The following GANC variants were observed in gnomAD, a reference collection of about 807,000 sequenced individuals.
GANC encodes glucosidase alpha, neutral C.
A neutral mutation model predicts 124.2 loss-of-function variants in GANC; 117 were observed. That is an observed-to-expected ratio of 0.94 (90% CI 0.81 to 1.10). The LOEUF (loss-of-function observed/expected upper bound fraction) is 1.10, where lower values mean the gene tolerates loss of function less well. GANC is among the 50% of genes least tolerant of loss of function. The probability of loss-of-function intolerance (pLI) is 0.00; values close to 1 mark genes in which losing one functional copy is unlikely to be tolerated. For missense variants in GANC, 1,140 were observed against 1,095.0 expected (o/e 1.04, Z -0.58); for synonymous variants, 377 against 376.8 (o/e 1.00, Z -0.01).
intron 3 of GANC, among the ~76,000 whole-genome samples, chr15:42,287,460 T>G (rs2051800906): frequency 6.6e-6 from 1 of 152,238 alleles, no homozygotes; most frequent in South Asian, 2.1e-4. Flanking sequence ...TTGACAATTT[T>G]ATGTTCACCT....
At chr15:42,301,877 A>T (rs2051948940) in intron 6 of GANC, among the ~76,000 whole-genome samples, 1 of 152,158 alleles carries the variant, frequency 6.6e-6, no homozygotes, top group South Asian at 2.1e-4. Context: ...TAAAACTCCC[A>T]TCTCCCTGGG....
rs1300897085 is a variant in GANC, at chr15:42,329,324, T to C, written c.1519T>C (p.Phe507Leu). The C allele has an allele frequency of 1.2e-6, 2 of 1,613,814 alleles. No individual in the cohort carries two copies. Among genetic ancestry groups the C allele is most frequent in the South Asian group, 1.1e-5 (1 of 91,034 alleles). ...PVYQGSTDILFLWNDMNEPSV... is the reference protein window; with the variant it reads ...PVYQGSTDILLLWNDMNEPSV... ...TTCCTAGGGATCTACGGACATCCTC[T>C]TCCTTTGGAATGACATGAATGAGCC... The change falls in exon 14 of 24, where the codon TTC (phenylalanine) becomes CTC (leucine). Residue 507 changes from phenylalanine (F) to leucine (L), a missense_variant. Transcript: ENST00000318010.
intron 4 of GANC, 40 bp from the exon 5 acceptor site, chr15:42,292,695 C>T (rs2141026941): frequency 6.3e-7 from 1 of 1,594,644 alleles, no homozygotes. Context: ...CCATGTAAAC[C>T]TATAGCAGCT....
At chr15:42,351,468 T>G (rs1259910888) in intron 23 of GANC, 36 bp downstream of exon 23, 1 of 1,442,498 alleles carries the variant, frequency 6.9e-7, no homozygotes, top group Non-Finnish European at 9.8e-7. Context: ...CACCATTTGT[T>G]TTTATAAACA....
intron 3 of GANC, among the ~76,000 whole-genome samples, chr15:42,282,409 A>G (rs1290651624): frequency 6.6e-6 from 1 of 152,220 alleles, no homozygotes; most frequent in Non-Finnish European, 1.5e-5. Flanking sequence ...GCACATTAAG[A>G]TATGGTATGA....
chr15:42,326,375 C>A lies in GANC; in HGVS notation c.1371C>A (p.Phe457Leu), dbSNP rs1342495118. The A allele has an allele frequency of 9.3e-6, 15 of 1,613,964 alleles. No homozygotes were observed. Among genetic ancestry groups the A allele is most frequent in the African/African-American group, 1.3e-5 (1 of 74,894 alleles). ...SVYVKAKDQG[F>L]FVKNQEGEDF... ...ATGTGAAGGCCAAAGATCAGGGCTTCTTTGTGAAGAATCAGGAAGGGGAAG... is the reference window on the plus strand; with the variant it reads ...ATGTGAAGGCCAAAGATCAGGGCTTATTTGTGAAGAATCAGGAAGGGGAAG... The change falls in exon 12 of 24, where the codon TTC (phenylalanine) becomes TTA (leucine). Residue 457 changes from phenylalanine (F) to leucine (L), a missense_variant. By Grantham distance (22) the Phe-to-Leu change is conservative. Coordinates refer to ENST00000318010, the MANE Select transcript of GANC (RefSeq NM_198141.3).
At position 42,274,341 on chromosome 15, in the gene GANC, T is replaced by A; in HGVS notation, c.-141T>A. 3 of 802,266 alleles carry A rather than the reference T, an allele frequency of 3.7e-6. No individual in the cohort carries two copies. The South Asian group carries it at 4.8e-5, about 13-fold the overall frequency. The allele number at this position is 802,266 out of a possible 1,614,324, so 49.7% of individuals were successfully genotyped here. On this transcript the variant is annotated 5_prime_UTR_variant, in exon 1 of 24. Coordinates refer to ENST00000318010, the MANE Select transcript of GANC (RefSeq NM_198141.3). The stretch of plus-strand genomic sequence containing the variant: ...GTCAAGATTTGTCACTCCATGAGAA[T>A]CTGGAGGGGACTCCCTTCCCAGAAA...
chr15:42,292,529 G>A (rs1032957048), intron 4 of GANC, among the ~76,000 whole-genome samples: 2 of 152,138 alleles, frequency 1.3e-5, no homozygotes, highest in African/African-American at 2.4e-5. Context: ...TTTGTTATCC[G>A]AAGTTATAAC....
At chr15:42,291,111 G>A (rs756139889) in intron 4 of GANC, among the ~76,000 whole-genome samples, 7 of 152,006 alleles carry the variant, frequency 4.6e-5, no homozygotes, top group South Asian at 2.1e-4. Context: ...AGTCAAACCC[G>A]GGGGAGAAGG....
rs1169085786 is a variant in GANC at position 42,330,662 on chromosome 15, A to G, written c.1731A>G (p.Ser577=). 1 of 1,607,118 alleles carries G rather than the reference A, an allele frequency of 6.2e-7. No homozygotes were observed. ...FVLTRSFFAG[S]QKYGAVWTGD... ...TTACACGTTCTTTCTTTGCTGGATC[A>G]CAAAAGTATGGTAAGGAATGGCTCA... Residue 577 remains serine, a synonymous_variant, in exon 15 of 24, where the codon TCA becomes TCG. Transcript: ENST00000318010.
chr15:42,285,515 T>G (rs1219143513), intron 3 of GANC, among the ~76,000 whole-genome samples: 1 of 152,066 alleles, frequency 6.6e-6, no homozygotes, highest in Non-Finnish European at 1.5e-5. Context: ...TAATAAGAGA[T>G]AAGGCACAGT....
chr15:42,350,022 CTTTTTTTTT>C (rs753077889), intron 22 of GANC, among the ~76,000 whole-genome samples: 1,803 of 75,116 alleles, frequency 0.024, 61 homozygotes, highest in African/African-American at 0.086. Flanking sequence ...CTTTCCCCCA[CTTTTTTTTT>C]TTTTTTTTTT....
At chr15:42,337,905 A>G (rs541997392) in intron 15 of GANC, among the ~76,000 whole-genome samples, 3 of 152,278 alleles carry the variant, frequency 2.0e-5, no homozygotes, top group East Asian at 1.9e-4. Flanking sequence ...TGCTAAAAAT[A>G]CAAAATTTAG....
At chr15:42,346,836 C>A (rs1486089867) in intron 20 of GANC, among the ~76,000 whole-genome samples, 1 of 152,180 alleles carries the variant, frequency 6.6e-6, no homozygotes, top group Admixed American at 6.5e-5. Flanking sequence ...TTTCTTTCTA[C>A]ACCTGAATTA....
intron 3 of GANC, chr15:42,283,765 A>G (rs2412689): frequency 0.99 from 692,797 of 702,516 alleles, 341,810 homozygotes; most frequent in Non-Finnish European, 1. Flanking sequence ...CTCAGCAGAT[A>G]AGGCACAACT....
chr15:42,276,519 T>C (rs1196690709), intron 2 of GANC, 109 bp downstream of exon 2: 1 of 568,122 alleles, frequency 1.8e-6, no homozygotes, highest in East Asian at 3.0e-5. Context: ...AAGGATAATT[T>C]AATAATTAAG....
intron 6 of GANC, among the ~76,000 whole-genome samples, chr15:42,304,411 G>A (rs781711784): frequency 6.6e-6 from 1 of 152,226 alleles, no homozygotes; most frequent in East Asian, 1.9e-4. Context: ...ACTTACAAGG[G>A]ATGTAAAGGA....
At chr15:42,320,645 C>T (rs1219974044) in intron 10 of GANC, among the ~76,000 whole-genome samples, 1 of 151,278 alleles carries the variant, frequency 6.6e-6, no homozygotes, top group Non-Finnish European at 1.5e-5. Flanking sequence ...GACGGGGTTT[C>T]ACCGTGTTGG....
intron 3 of GANC, among the ~76,000 whole-genome samples, chr15:42,286,732 G>A (rs1595764079): frequency 1.3e-5 from 2 of 152,288 alleles, no homozygotes; most frequent in Non-Finnish European, 2.9e-5. Context: ...TTTTGGTGCT[G>A]GCTTGGTATT....
Sources: gnomAD v4.1 joint callset for allele counts (sites outside exome capture counted in the v4.1 genomes callset) on GRCh38, gnomAD v4.1.1 for gene constraint, MANE v1.5 for transcripts, NCBI Gene and HGNC (gene_info 2026-07-23, HGNC 2026-07-21) for gene names.